The following SUGCT variants were observed in gnomAD, a reference collection of about 807,000 sequenced individuals.
SUGCT encodes succinyl-CoA:glutarate-CoA transferase, also known as succinyl-CoA:glutarate CoA-transferase.
Under a neutral mutation model 55.0 loss-of-function variants are expected in SUGCT, and 41 were observed. That is an observed-to-expected ratio of 0.74 (90% CI 0.58 to 0.97). SUGCT has a LOEUF of 0.97. SUGCT is among the 50% of genes least tolerant of loss of function. SUGCT has a pLI of 0.00. For missense variants in SUGCT, 568 were observed against 547.8 expected (o/e 1.04, Z -0.37); for synonymous variants, 187 against 200.4 (o/e 0.93, Z 0.56).
intron 12 of SUGCT, among the ~76,000 whole-genome samples, chr7:40,624,174 A>C (rs1350100755): frequency 6.6e-6 from 1 of 152,150 alleles, no homozygotes; most frequent in African/African-American, 2.4e-5. Flanking sequence ...CTCCCAGTCC[A>C]CATGGGGCTG....
chr7:40,499,706 G>C (rs1453319146), intron 12 of SUGCT, among the ~76,000 whole-genome samples: 3 of 152,074 alleles, frequency 2.0e-5, no homozygotes, highest in African/African-American at 7.2e-5. Context: ...ATTATCTGTG[G>C]AAAGCTCTGT....
chr7:40,192,107 CAAA>C (rs34662909), intron 5 of SUGCT, among the ~76,000 whole-genome samples: 2 of 61,364 alleles, frequency 3.3e-5, no homozygotes, highest in Non-Finnish European at 2.9e-5. Context: ...GATTCCATCT[CAAA>C]AAAAAAAAAA....
intron 7 of SUGCT, among the ~76,000 whole-genome samples, chr7:40,272,193 T>TACACACAC (rs567563859): frequency 1.3e-5 from 1 of 76,276 alleles, no homozygotes; most frequent in Non-Finnish European, 2.5e-5. Context: ...TATATATATA[T>TACACACAC]ACAGGGTCTC....
chr7:40,333,650 A>T, intron 9 of SUGCT, among the ~76,000 whole-genome samples: 1 of 50,276 alleles, frequency 2.0e-5, no homozygotes, highest in South Asian at 8.4e-4. Flanking sequence ...AAAAAAAAAA[A>T]AAAAAAAAAA....
intron 12 of SUGCT, among the ~76,000 whole-genome samples, chr7:40,721,209 AT>A (rs1165966757): frequency 6.6e-6 from 1 of 151,954 alleles, no homozygotes; most frequent in East Asian, 1.9e-4. Flanking sequence ...AACCCCCTTG[AT>A]TTTTCTTTTT....
intron 8 of SUGCT, among the ~76,000 whole-genome samples, chr7:40,301,156 T>C (rs934920476): frequency 6.6e-6 from 1 of 152,172 alleles, no homozygotes; most frequent in Non-Finnish European, 1.5e-5. Flanking sequence ...AGTGTGTGTC[T>C]TTTACACTAG....
At chr7:40,960,554 C>A in the SUGCT span, among the ~76,000 whole-genome samples, 2 of 152,024 alleles carry the variant, frequency 1.3e-5, no homozygotes, top group African/African-American at 2.4e-5. Flanking sequence ...TTTCAAATGC[C>A]CCATAGATCT....
chr7:40,197,365 A>T (rs911060676), intron 6 of SUGCT, among the ~76,000 whole-genome samples: 2 of 152,242 alleles, frequency 1.3e-5, no homozygotes, highest in Non-Finnish European at 2.9e-5. Flanking sequence ...TAGGTAAATT[A>T]TCTTCTGAAT....
At chr7:40,992,711 C>A in the SUGCT span, among the ~76,000 whole-genome samples, 1 of 152,134 alleles carries the variant, frequency 6.6e-6, no homozygotes, top group African/African-American at 2.4e-5. Flanking sequence ...TTGGAGTGAG[C>A]CAAGCCTAGC....
intron 9 of SUGCT, among the ~76,000 whole-genome samples, chr7:40,410,785 A>G (rs544708746): frequency 6.6e-6 from 1 of 152,352 alleles, no homozygotes; most frequent in South Asian, 2.1e-4. Context: ...ATTCTTGGTA[A>G]GCATCTTTCC....
chr7:40,460,456 T>C (rs564002578), intron 11 of SUGCT, among the ~76,000 whole-genome samples: 3 of 152,356 alleles, frequency 2.0e-5, no homozygotes, highest in East Asian at 3.9e-4. Flanking sequence ...TCTTTTTGCC[T>C]CTCTGCCTCT....
chr7:40,363,576 C>T (rs62453371), intron 9 of SUGCT, among the ~76,000 whole-genome samples: 3,159 of 152,222 alleles, frequency 0.021, 45 homozygotes, highest in Non-Finnish European at 0.028. Flanking sequence ...ATGTACCCAG[C>T]AGTCATTCAG....
intron 7 of SUGCT, 51 bp downstream of exon 7, chr7:40,237,777 A>G: frequency 6.6e-7 from 1 of 1,509,796 alleles, no homozygotes; most frequent in Non-Finnish European, 9.2e-7. Context: ...ACATATTCCA[A>G]AAGGATTTTA....
intron 13 of SUGCT, among the ~76,000 whole-genome samples, chr7:40,824,421 C>T (rs2128770181): frequency 6.6e-6 from 1 of 151,854 alleles, no homozygotes; most frequent in South Asian, 2.1e-4. Flanking sequence ...GGTAGAGAGA[C>T]AGAGCACTTG....
intron 1 of SUGCT, among the ~76,000 whole-genome samples, chr7:40,173,075 CT>C (rs1438305149): frequency 6.6e-6 from 1 of 152,166 alleles, no homozygotes; most frequent in Non-Finnish European, 1.5e-5. Flanking sequence ...GGCGGCAAGT[CT>C]TTTATTCTTT....
chr7:40,259,411 G>A (rs6968403), intron 7 of SUGCT, among the ~76,000 whole-genome samples: 3 of 152,120 alleles, frequency 2.0e-5, no homozygotes, highest in South Asian at 2.1e-4. Flanking sequence ...CTGTGGCTAC[G>A]CGACTGTATT....
chr7:40,713,462 G>C (rs1562959698), intron 12 of SUGCT, among the ~76,000 whole-genome samples: 1 of 152,138 alleles, frequency 6.6e-6, no homozygotes, highest in African/African-American at 2.4e-5. Context: ...CAGTTCCTTT[G>C]TACATCCATG....
chr7:40,218,936 G>T (rs536262947), intron 6 of SUGCT, among the ~76,000 whole-genome samples: 4 of 152,176 alleles, frequency 2.6e-5, no homozygotes, highest in Non-Finnish European at 4.4e-5. Context: ...GCGGAAATCC[G>T]TTGGGGTCCC....
At chr7:40,211,852 A>G (rs1787356679) in intron 6 of SUGCT, among the ~76,000 whole-genome samples, 2 of 152,154 alleles carry the variant, frequency 1.3e-5, no homozygotes, top group Admixed American at 1.3e-4. Flanking sequence ...GGGGCCTGGA[A>G]GAATTATTTC....
Sources: allele counts gnomAD v4.1 joint callset (sites outside exome capture counted in the v4.1 genomes callset), GRCh38; gene constraint gnomAD v4.1.1; transcripts MANE v1.5; gene names NCBI Gene and HGNC (gene_info 2026-07-23, HGNC 2026-07-21).